The following FNDC7 variants were observed in gnomAD, a reference collection of about 807,000 sequenced individuals.
The protein encoded by FNDC7 is fibronectin type III domain containing 7, also known as fibronectin type III domain-containing protein 7.
In FNDC7, 66 loss-of-function variants were observed where a neutral mutation model predicts 74.2. That is an observed-to-expected ratio of 0.89 (90% CI 0.73 to 1.09). FNDC7 has a LOEUF of 1.09. Among genes scored for constraint, FNDC7 ranks in the 50% least tolerant of loss-of-function variants. The pLI is 0.00. For synonymous variants in FNDC7, 307 were observed against 330.2 expected (o/e 0.93, Z 0.76); for missense variants, 829 against 893.4 (o/e 0.93, Z 0.92).
rs1164881304 is a variant in FNDC7, at chr1:108,718,938, A to G, written c.487A>G (p.Thr163Ala). 4 of 1,551,334 alleles carry G rather than the reference A, an allele frequency of 2.6e-6. No homozygotes were observed. In the African/African-American group the frequency reaches 5.5e-5, roughly 21 times the overall value. The change falls in exon 4 of 13, where the codon ACC (threonine) becomes GCC (alanine). Residue 163 changes from threonine (T) to alanine (A), a missense_variant. By Grantham distance (58) the Thr-to-Ala change is moderately conservative (BLOSUM62 0). Coordinates refer to ENST00000370017, the MANE Select transcript of FNDC7 (RefSeq NM_001144937.3). ...GSIWKENTTNTSLTFTSLEAG... is the reference protein window; with the variant it reads ...GSIWKENTTNASLTFTSLEAG... ...TATATGGAAAGAGAATACTACAAAC[A>G]CCTCCTTGACATTCACCAGTTTAGA... is the stretch of plus-strand genomic sequence containing the variant.
chr1:108,717,135 T>A (rs1660993154), intron 2 of FNDC7, among the ~76,000 whole-genome samples: 1 of 152,258 alleles, frequency 6.6e-6, no homozygotes, highest in Non-Finnish European at 1.5e-5. Context: ...TAAAGTTTAC[T>A]TTTATTTTGT....
At position 108,733,483 on chromosome 1, in the gene FNDC7, T is replaced by C. The variant is rs1661442319; in HGVS notation, c.2091T>C (p.Val697=). The change falls in exon 10 of 13, where the codon GTT becomes GTC. Residue 697 remains valine, a synonymous_variant. Coordinates refer to ENST00000370017, the MANE Select transcript of FNDC7 (RefSeq NM_001144937.3). ...TATACACTGTGATGGTCTCACCAGT[T>C]GCTAAAACAGGATTGAAGCTTACTT... The part of the protein sequence containing the change: ...GDVYTVMVSP[V]AKTGLKLTFC... The C allele has an allele frequency of 1.9e-6, 3 of 1,614,092 alleles. No homozygotes were observed. In the East Asian group the frequency reaches 6.7e-5, roughly 36 times the overall value.
chr1:108,717,918 A>G lies in FNDC7; in HGVS notation c.224A>G (p.Asn75Ser), dbSNP rs373395961. 2 of 1,551,628 alleles carry G rather than the reference A, an allele frequency of 1.3e-6. No homozygotes were observed. The highest frequency in any genetic ancestry group is 1.7e-6 in the Non-Finnish European group (2 of 1,147,012). Residue 75 changes from asparagine (N) to serine (S), a missense_variant, in exon 3 of 13, where the codon AAT becomes AGT. Physicochemically the swap from Asn to Ser is conservative, Grantham distance 46. Coordinates refer to ENST00000370017, the MANE Select transcript of FNDC7 (RefSeq NM_001144937.3). ...ACAGTCATTGAAACCACGGTGGCCA[A>G]TTCCCCAGGCACTGTGACGGGACTA... ...GDTVIETTVA[N>S]SPGTVTGLKA...
intron 7 of FNDC7, 25 bp downstream of exon 7, chr1:108,728,090 C>T: frequency 1.2e-6 from 2 of 1,603,150 alleles, no homozygotes; most frequent in Non-Finnish European, 1.7e-6. Context: ...TCATTCCACT[C>T]ACTGGTGTCT....
intron 10 of FNDC7, among the ~76,000 whole-genome samples, chr1:108,737,208 G>C (rs1277030): frequency 0.025 from 3,743 of 152,118 alleles, 154 homozygotes; most frequent in African/African-American, 0.086. Context: ...CTGACCTCAG[G>C]TATCTGCCCA....
rs1205367375 is a variant in FNDC7, at chr1:108,742,649, C to T, written c.*762C>T. ...GTGCATCTTTTGGGGGAGGACCATCCATCTTATTGGCCATATCCCCCACTC... is the reference window on the plus strand; with the variant it reads ...GTGCATCTTTTGGGGGAGGACCATCTATCTTATTGGCCATATCCCCCACTC... On this transcript the variant is annotated 3_prime_UTR_variant, in exon 13 of 13. Coordinates refer to ENST00000370017, the MANE Select transcript of FNDC7 (RefSeq NM_001144937.3). The T allele has an allele frequency of 6.6e-6, 1 of 152,166 alleles. No homozygotes were observed. The highest frequency in any genetic ancestry group is 1.5e-5 in the Non-Finnish European group (1 of 68,022). 9.4% of individuals were successfully genotyped at this position (152,166 alleles called of 1,614,324 possible). A position where few individuals can be genotyped will look rare whatever the true frequency, so the allele number is the denominator to read the frequency against.
rs141850435 is a variant in FNDC7 at position 108,716,320 on chromosome 1, G to GGTGTGTGTGTGTGT, written c.83-1414_83-1401dup. Among the ~76,000 whole-genome samples the GGTGTGTGTGTGTGT allele has an allele frequency of 2.1e-3, 199 of 95,748 alleles. 4 individuals carry two copies. The highest frequency in any genetic ancestry group is 5.2e-3 in the African/African-American group (135 of 26,198). 62.8% of individuals were successfully genotyped at this position (95,748 alleles called of 152,430 possible). Reference sequence around the variant, plus strand: ...TCATTAGCTTGGGGAGCAGAAGAGAGGTGTGTGTGTGTGTGTGTGTGTGTG... The same window carrying GGTGTGTGTGTGTGT: ...TCATTAGCTTGGGGAGCAGAAGAGAGGTGTGTGTGTGTGTGTGTGTGTGTGTGTGTGTGTGTGTG... On this transcript the variant is annotated intron_variant, in intron 2 of 12. Coordinates refer to ENST00000370017, the MANE Select transcript of FNDC7 (RefSeq NM_001144937.3).
At chr1:108,740,051 T>A (rs1360225833) in intron 11 of FNDC7, among the ~76,000 whole-genome samples, 71 of 88,882 alleles carry the variant, frequency 8.0e-4, no homozygotes, top group African/African-American at 8.7e-4. Flanking sequence ...AAAAAAAAAA[T>A]CCCGCAAGGC....
chr1:108,731,219 G>A (rs1413378995), intron 9 of FNDC7, among the ~76,000 whole-genome samples: 4 of 152,164 alleles, frequency 2.6e-5, no homozygotes, highest in East Asian at 1.9e-4. Context: ...ACAGAGTAAC[G>A]TAGCCTGGCA....
chr1:108,721,454 G>A (rs1661090407), intron 4 of FNDC7, among the ~76,000 whole-genome samples: 1 of 152,006 alleles, frequency 6.6e-6, no homozygotes, highest in Non-Finnish European at 1.5e-5. Context: ...GGGCGACAGA[G>A]CGAGGCTCCG....
intron 11 of FNDC7, among the ~76,000 whole-genome samples, chr1:108,738,987 T>C (rs1661580480): frequency 6.6e-6 from 1 of 152,156 alleles, no homozygotes; most frequent in South Asian, 2.1e-4. Context: ...CTGCATTCTT[T>C]AATCAGTATC....
At chr1:108,727,726 G>A in intron 6 of FNDC7, 82 bp from the exon 7 acceptor site, 3 of 1,532,744 alleles carry the variant, frequency 2.0e-6, no homozygotes, top group Non-Finnish European at 2.7e-6. Context: ...GAGGCTCTGG[G>A]CATGGGAGGT....
intron 2 of FNDC7, among the ~76,000 whole-genome samples, chr1:108,717,476 C>T (rs1444723730): frequency 1.3e-5 from 2 of 152,140 alleles, no homozygotes; most frequent in East Asian, 3.8e-4. Context: ...GAGTTCTTTC[C>T]CGTAATTACT....
intron 11 of FNDC7, among the ~76,000 whole-genome samples, chr1:108,739,149 T>A (rs1217510380): frequency 2.0e-5 from 3 of 151,420 alleles, no homozygotes; most frequent in Non-Finnish European, 4.4e-5. Context: ...AAAAAAAAAA[T>A]TTAAAAATGT....
Position 108,741,763 on chromosome 1 carries a change from C to A in FNDC7, c.2171-10C>A. 6.2e-7 allele frequency: 1 copy of A among 1,613,636 alleles called. No homozygotes were observed. Among genetic ancestry groups the A allele is most frequent in the Non-Finnish European group, 8.5e-7 (1 of 1,179,852 alleles). On this transcript the variant is annotated splice_polypyrimidine_tract_variant and intron_variant, in intron 11 of 12. Coordinates refer to ENST00000370017, the MANE Select transcript of FNDC7 (RefSeq NM_001144937.3). ...CATCTTTTACTGCTTCCCTTCCTTA[C>A]CCTTTTCAGTGATTTATAGAGGGAA...
At chr1:108,726,142 A>C in intron 6 of FNDC7, 138 bp downstream of exon 6, 1,023 of 1,125,650 alleles carry the variant, frequency 9.1e-4, no homozygotes, top group Non-Finnish European at 1.2e-3. Flanking sequence ...CTCTTATCTC[A>C]CATTCTTTCC....
intron 5 of FNDC7, among the ~76,000 whole-genome samples, chr1:108,722,884 T>C (rs1171917363): frequency 6.6e-6 from 1 of 152,242 alleles, no homozygotes; most frequent in Non-Finnish European, 1.5e-5. Context: ...AATTCTAAGA[T>C]GTGATTTGAG....
At position 108,714,032 on chromosome 1, in the gene FNDC7, G is replaced by A. The variant is rs1313365417; in HGVS notation, c.82+503G>A. The stretch of plus-strand genomic sequence containing the variant: ...CAATAGTCACTCAGGGCTGAAAGGG[G>A]ACCCTCTTTTAAAAATAGTTGATCT... On this transcript the variant is annotated intron_variant, in intron 2 of 12. Coordinates refer to ENST00000370017, the MANE Select transcript of FNDC7 (RefSeq NM_001144937.3). Among the ~76,000 whole-genome samples, 3 of 152,168 alleles carry A rather than the reference G, an allele frequency of 2.0e-5. No homozygotes were observed. In the East Asian group the frequency reaches 5.8e-4, roughly 29 times the overall value.
At chr1:108,735,773 T>C (rs1405716007) in intron 10 of FNDC7, among the ~76,000 whole-genome samples, 1 of 142,656 alleles carries the variant, frequency 7.0e-6, no homozygotes, top group Non-Finnish European at 1.5e-5. Flanking sequence ...TCCACTGTAC[T>C]GGACAGAGAA....
Sources: gnomAD v4.1 joint callset for allele counts (sites outside exome capture counted in the v4.1 genomes callset) on GRCh38, gnomAD v4.1.1 for gene constraint, MANE v1.5 for transcripts, NCBI Gene and HGNC (gene_info 2026-07-23, HGNC 2026-07-21) for gene names.